Variants in TSPAN9 observed in about 807,000 individuals in gnomAD.
The protein encoded by TSPAN9 is tetraspanin 9.
A neutral mutation model predicts 31.0 loss-of-function variants in TSPAN9; 16 were observed. That is an observed-to-expected ratio of 0.52 (90% confidence interval 0.35 to 0.78). The LOEUF (loss-of-function observed/expected upper bound fraction) is 0.78, where lower values mean the gene tolerates loss of function less well. TSPAN9 is among the 30% of genes least tolerant of loss of function. The pLI is 0.01. For missense variants in TSPAN9, 272 were observed against 312.5 expected (o/e 0.87, Z 0.98); for synonymous variants, 145 against 121.6 (o/e 1.19, Z -1.27).
At chr12:3,088,465 C>T (rs1276485850) in intron 2 of TSPAN9, among the ~76,000 whole-genome samples, 1 of 152,174 alleles carries the variant, frequency 6.6e-6, no homozygotes, top group African/African-American at 2.4e-5. Context: ...GGGGGAAGCT[C>T]CAGGCCTGGC....
intron 2 of TSPAN9, among the ~76,000 whole-genome samples, chr12:3,142,403 G>A (rs1049312063): frequency 1.3e-5 from 2 of 152,032 alleles, no homozygotes; most frequent in African/African-American, 4.8e-5. Flanking sequence ...CTCGCCTCTC[G>A]CCTCCTCCCT....
chr12:3,089,555 A>G (rs1591622161), intron 2 of TSPAN9, among the ~76,000 whole-genome samples: 1 of 151,916 alleles, frequency 6.6e-6, no homozygotes, highest in Non-Finnish European at 1.5e-5. Flanking sequence ...TTGGCCTCCC[A>G]AAGTGCTGGG....
At chr12:3,150,150 G>A (rs575906129) in intron 2 of TSPAN9, among the ~76,000 whole-genome samples, 2 of 152,346 alleles carry the variant, frequency 1.3e-5, no homozygotes, top group South Asian at 4.1e-4. Flanking sequence ...GGAGATGCCC[G>A]CTGGGCCCGT....
intron 2 of TSPAN9, among the ~76,000 whole-genome samples, chr12:3,184,894 A>T (rs1256984148): frequency 1.3e-5 from 2 of 152,150 alleles, no homozygotes; most frequent in African/African-American, 4.8e-5. Context: ...CAGGGAATGC[A>T]GTGTAACTGT....
At chr12:3,113,419 C>A (rs2098320264) in intron 2 of TSPAN9, among the ~76,000 whole-genome samples, 1 of 152,110 alleles carries the variant, frequency 6.6e-6, no homozygotes, top group African/African-American at 2.4e-5. Flanking sequence ...GTCCTGAGGC[C>A]ATGATGAGAA....
rs1226353773 is a variant in TSPAN9 at position 3,284,256 on chromosome 12, C to G, written c.*1140C>G. 6.6e-6 allele frequency: 1 copy of G among 152,634 alleles called. No homozygotes were observed. The highest frequency in any genetic ancestry group is 1.5e-5 in the Non-Finnish European group (1 of 68,060). 9.5% of individuals were successfully genotyped at this position (152,634 alleles called of 1,614,324 possible). A position where few individuals can be genotyped will look rare whatever the true frequency, so the allele number is the denominator to read the frequency against. On this transcript the variant is annotated 3_prime_UTR_variant, in exon 9 of 9. Transcript: ENST00000011898. Reference sequence around the variant, plus strand: ...AGTTCGGATGCTGCTCACTTTCCCCCTTGCTTCTGGAAGGGGAAGCAGTCC... The same window carrying G: ...AGTTCGGATGCTGCTCACTTTCCCCGTTGCTTCTGGAAGGGGAAGCAGTCC...
rs57812985 is a variant in TSPAN9, at chr12:3,081,844, G to GTGTGTA, written c.-84-1808_-84-1807insGTGTAT. On this transcript the variant is annotated intron_variant, in intron 1 of 8. Coordinates refer to ENST00000011898, the MANE Select transcript of TSPAN9 (RefSeq NM_006675.5). ...TGTGTGTGTGTGTGTGTCTGTGTGTGTATATATATGCCAGGTGTGGTGGTA... is the reference window on the plus strand; with the variant it reads ...TGTGTGTGTGTGTGTGTCTGTGTGTGTGTGTATATATATATGCCAGGTGTGGTGGTA... Among the ~76,000 whole-genome samples the GTGTGTA allele has an allele frequency of 3.0e-4, 35 of 116,770 alleles. No homozygotes were observed. In the South Asian group the frequency reaches 3.5e-3, roughly 12 times the overall value. The allele number at this position is 116,770 out of a possible 152,430, so 76.6% of individuals were successfully genotyped here. A position where few individuals can be genotyped will look rare whatever the true frequency, so the allele number is the denominator to read the frequency against.
chr12:3,186,226 A>G (rs138272337), intron 2 of TSPAN9, among the ~76,000 whole-genome samples: 1 of 152,334 alleles, frequency 6.6e-6, no homozygotes, highest in African/African-American at 2.4e-5. Flanking sequence ...AGGCATTCAT[A>G]CATTCTTTCA....
chr12:3,282,909 C>G, intron 8 of TSPAN9, 136 bp from the exon 9 acceptor site: 1 of 771,984 alleles, frequency 1.3e-6, no homozygotes, highest in Non-Finnish European at 2.1e-6. Flanking sequence ...GTCTTCATTC[C>G]ATAAGCATTT....
intron 2 of TSPAN9, among the ~76,000 whole-genome samples, chr12:3,196,166 G>C (rs904813118): frequency 2.0e-5 from 3 of 152,216 alleles, no homozygotes; most frequent in African/African-American, 7.2e-5. Context: ...GGAGGGACGT[G>C]TTCCTAGAGC....
chr12:3,254,488 G>A (rs916282926), intron 3 of TSPAN9, among the ~76,000 whole-genome samples: 1 of 152,198 alleles, frequency 6.6e-6, no homozygotes, highest in Non-Finnish European at 1.5e-5. Context: ...GCCCGATCCA[G>A]GTTTCCAGCT....
At chr12:3,188,997 G>T (rs999505521) in intron 2 of TSPAN9, among the ~76,000 whole-genome samples, 2 of 152,196 alleles carry the variant, frequency 1.3e-5, no homozygotes, top group African/African-American at 4.8e-5. Flanking sequence ...GCTGGTTGCC[G>T]CAGAGGAGCG....
intron 3 of TSPAN9, among the ~76,000 whole-genome samples, chr12:3,203,377 TG>T (rs2098373121): frequency 6.6e-6 from 1 of 152,190 alleles, no homozygotes; most frequent in Non-Finnish European, 1.5e-5. Context: ...TTCCACTTGA[TG>T]GGGAAGAGAA....
intron 2 of TSPAN9, among the ~76,000 whole-genome samples, chr12:3,096,066 G>T (rs961610843): frequency 3.3e-5 from 5 of 151,972 alleles, no homozygotes; most frequent in African/African-American, 1.2e-4. Flanking sequence ...CGGCGCGGCG[G>T]CAAAGACTGA....
intron 3 of TSPAN9, among the ~76,000 whole-genome samples, chr12:3,210,234 G>A (rs1265516286): frequency 1.3e-5 from 2 of 152,088 alleles, no homozygotes; most frequent in East Asian, 1.9e-4. Context: ...TAATGGCACC[G>A]TGGAGCTTCA....
In TSPAN9 at chr12:3,280,520, A is replaced by G. The variant is rs1164886787; in HGVS notation, c.432+37A>G. The G allele has an allele frequency of 1.9e-6, 3 of 1,587,046 alleles. No individual in the cohort carries two copies. The highest frequency in any genetic ancestry group is 3.4e-5 in the Admixed American group (2 of 58,834). ...GCCGCCCTGGTGGGGCCAGGCAGGG[A>G]GGAGGGGTGGCGGCCGGTACTTCTA... On this transcript the variant is annotated intron_variant, in intron 6 of 8. Coordinates refer to ENST00000011898, the MANE Select transcript of TSPAN9 (RefSeq NM_006675.5). This position sits in a 1 kb window ranked among gnomAD's most constrained non-coding sequence, Gnocchi z 4.5.
intron 2 of TSPAN9, among the ~76,000 whole-genome samples, chr12:3,102,110 C>T (rs1263971707): frequency 6.6e-6 from 1 of 151,902 alleles, no homozygotes; most frequent in Admixed American, 6.6e-5. Context: ...CCTGCTCTTT[C>T]CCCCTGCCTT....
intron 1 of TSPAN9, among the ~76,000 whole-genome samples, chr12:3,079,862 C>G (rs1031559970): frequency 1.3e-4 from 19 of 151,826 alleles, no homozygotes; most frequent in African/African-American, 3.9e-4. Context: ...CCTCCAACTC[C>G]TGGGCTCAAG....
chr12:3,086,029 C>T (rs1387386016), intron 2 of TSPAN9, among the ~76,000 whole-genome samples: 3 of 152,186 alleles, frequency 2.0e-5, no homozygotes, highest in Non-Finnish European at 4.4e-5. Flanking sequence ...CTCTCTTCTT[C>T]GTGCCCGTGC....
Sources: gnomAD v4.1 joint callset for allele counts (sites outside exome capture counted in the v4.1 genomes callset) on GRCh38, gnomAD v4.1.1 for gene constraint, Gnocchi (gnomAD v3.1) non-coding constraint, MANE v1.5 for transcripts, NCBI Gene and HGNC (gene_info 2026-07-23, HGNC 2026-07-21) for gene names.